The following DPP6 variants were observed in gnomAD, a reference collection of about 807,000 sequenced individuals.
DPP6 encodes dipeptidyl peptidase like 6, also known as A-type potassium channel modulatory protein DPP6.
Under a neutral mutation model 122.6 loss-of-function variants are expected in DPP6, and 69 were observed. The ratio of observed to expected loss-of-function variants is 0.56; its 90% CI spans 0.46 to 0.69. DPP6 has a LOEUF of 0.69. Among genes scored for constraint, DPP6 ranks in the 30% least tolerant of loss-of-function variants. The probability of loss-of-function intolerance (pLI) is 0.00; values close to 1 mark genes in which losing one functional copy is unlikely to be tolerated. For synonymous variants in DPP6, 418 were observed against 433.1 expected (o/e 0.97, Z 0.43); for missense variants, 928 against 1,116.9 (o/e 0.83, Z 2.41).
intron 7 of DPP6, among the ~76,000 whole-genome samples, chr7:154,681,763 C>T (rs1397825741): frequency 6.6e-6 from 1 of 152,224 alleles, no homozygotes; most frequent in Non-Finnish European, 1.5e-5. Context: ...GTTCCATCTC[C>T]TGGTCTTTGT....
chr7:154,844,427 A>T (rs1032674248), intron 16 of DPP6, among the ~76,000 whole-genome samples: 3 of 152,252 alleles, frequency 2.0e-5, no homozygotes, highest in Admixed American at 6.5e-5. Context: ...AAATGCTAAC[A>T]TGGGTCTAGT....
chr7:154,561,104 A>G (rs1250406420), intron 4 of DPP6, among the ~76,000 whole-genome samples: 9 of 152,236 alleles, frequency 5.9e-5, no homozygotes, highest in Non-Finnish European at 5.9e-5. Context: ...CAATATTTGA[A>G]GCAATAATTG....
intron 6 of DPP6, among the ~76,000 whole-genome samples, chr7:154,639,707 C>CG: frequency 6.6e-6 from 1 of 152,164 alleles, no homozygotes; most frequent in Non-Finnish European, 1.5e-5. Context: ...TACCTGGAGC[C>CG]TGGTGATGAT....
rs1040586780 is a variant in DPP6 at position 154,877,469 on chromosome 7, C to T, written c.2078+1369C>T. ...GGAACTATATTGGCTACAAAAGACA[C>T]AGGGATGTCAGGTCTCAAGGTTGAT... On this transcript the variant is annotated intron_variant, in intron 20 of 25. Coordinates refer to ENST00000377770, the MANE Select transcript of DPP6 (RefSeq NM_130797.4). The surrounding 1 kb of genome is among the most constrained non-coding windows in gnomAD (Gnocchi z 5.2). Among the ~76,000 whole-genome samples, 1 of 152,038 alleles carries T rather than the reference C, an allele frequency of 6.6e-6. No homozygotes were observed. Among genetic ancestry groups the T allele is most frequent in the African/African-American group, 2.4e-5 (1 of 41,378 alleles).
intron 1 of DPP6, among the ~76,000 whole-genome samples, chr7:154,073,878 C>T (rs180747158): frequency 6.0e-4 from 91 of 152,182 alleles, no homozygotes; most frequent in African/African-American, 2.0e-3. Flanking sequence ...CCCAGCTACT[C>T]GGGAGGCTGA....
In DPP6 at chr7:154,789,376, T is replaced by C. The variant is rs151008360; in HGVS notation, c.1137-4703T>C. Among the ~76,000 whole-genome samples, 28 of 152,346 alleles carry C rather than the reference T, an allele frequency of 1.8e-4. No homozygotes were observed. In the Middle Eastern group the frequency reaches 0.014, roughly 74 times the overall value. ...TCTGTGGCTGGTGTGAGCCCAGCAT[T>C]TCTGAGGGAAGAATAGTACAGTGGG... On this transcript the variant is annotated intron_variant, in intron 10 of 25. Transcript: ENST00000377770.
chr7:154,446,458 C>A, intron 2 of DPP6, 130 bp downstream of exon 2: 1 of 552,236 alleles, frequency 1.8e-6, no homozygotes, highest in Non-Finnish European at 3.1e-6. Context: ...CTCACTATGC[C>A]ATATGATATA....
chr7:154,450,826 T>C (rs1463393307), intron 2 of DPP6, among the ~76,000 whole-genome samples: 1 of 152,228 alleles, frequency 6.6e-6, no homozygotes, highest in African/African-American at 2.4e-5. Flanking sequence ...TTCTAACGAA[T>C]ATAGAGGAAG....
chr7:154,063,634 G>A (rs539126444), intron 1 of DPP6, among the ~76,000 whole-genome samples: 1 of 135,976 alleles, frequency 7.4e-6, no homozygotes, highest in Non-Finnish European at 1.6e-5. Flanking sequence ...CAGGGACTGA[G>A]AGCCACTCCC....
At chr7:153,913,137 C>T (rs889808653) in intron 1 of DPP6, among the ~76,000 whole-genome samples, 1 of 152,156 alleles carries the variant, frequency 6.6e-6, no homozygotes, top group Admixed American at 6.5e-5. Context: ...TGCGGTGGCA[C>T]GATCTCAACT....
chr7:154,395,871 T>G (rs1225169768), intron 1 of DPP6, among the ~76,000 whole-genome samples: 1 of 152,094 alleles, frequency 6.6e-6, no homozygotes, highest in Non-Finnish European at 1.5e-5. Context: ...TGTCATTGAG[T>G]ATGATGTTCA....
At chr7:153,773,264 CGTGTGT>C in the DPP6 span, among the ~76,000 whole-genome samples, 499 of 132,452 alleles carry the variant, frequency 3.8e-3, 5 homozygotes, top group Non-Finnish European at 3.6e-3. Context: ...TCTTTTCTTT[CGTGTGT>C]GTGTGTGTGT....
chr7:153,964,145 C>G (rs1204153994), intron 1 of DPP6, among the ~76,000 whole-genome samples: 1 of 152,028 alleles, frequency 6.6e-6, no homozygotes, highest in Admixed American at 6.6e-5. Context: ...GCAGACACCC[C>G]CCACCACGCC....
At chr7:154,385,441 T>C (rs1293255463) in intron 1 of DPP6, among the ~76,000 whole-genome samples, 2 of 152,174 alleles carry the variant, frequency 1.3e-5, no homozygotes, top group Admixed American at 1.3e-4. Context: ...TCCACAGTGC[T>C]GGGTGGTGGG....
intron 1 of DPP6, among the ~76,000 whole-genome samples, chr7:154,287,803 G>T (rs931612908): frequency 6.6e-6 from 1 of 152,288 alleles, no homozygotes; most frequent in Non-Finnish European, 1.5e-5. Context: ...GGGAGGAGAG[G>T]TGAGGCCTGC....
At chr7:154,429,717 CAAGGCTAA>C (rs1406592962) in intron 1 of DPP6, among the ~76,000 whole-genome samples, 1 of 152,126 alleles carries the variant, frequency 6.6e-6, no homozygotes, top group Non-Finnish European at 1.5e-5. Flanking sequence ...AAGGAGGACC[CAAGGCTAA>C]TGTGGAGACC....
At position 154,647,303 on chromosome 7, in the gene DPP6, C is replaced by G. The variant is rs1164006634; in HGVS notation, c.680+9430C>G. Among the ~76,000 whole-genome samples, 3 of 152,182 alleles carry G rather than the reference C, an allele frequency of 2.0e-5. No homozygotes were observed. The East Asian group carries it at 5.8e-4, about 29-fold the overall frequency. On this transcript the variant is annotated intron_variant, in intron 6 of 25. Coordinates refer to ENST00000377770, the MANE Select transcript of DPP6 (RefSeq NM_130797.4). ...TCGCCCCTTTACTTGCTGCCCTTGA[C>G]AAGTGACACCCAGGATTGCCGTGGA... is the stretch of plus-strand genomic sequence containing the variant.
chr7:154,733,654 G>A (rs1424907845), intron 8 of DPP6, among the ~76,000 whole-genome samples: 5 of 152,126 alleles, frequency 3.3e-5, no homozygotes, highest in African/African-American at 4.8e-5. Flanking sequence ...GAGTGTGTAG[G>A]AGTAGTAGTG....
At chr7:154,848,393 G>C (rs1802114918) in intron 16 of DPP6, among the ~76,000 whole-genome samples, 1 of 151,846 alleles carries the variant, frequency 6.6e-6, no homozygotes, top group Non-Finnish European at 1.5e-5. Context: ...ATCTTATTGT[G>C]CTTTTAATTT....
Sources: gnomAD v4.1 joint callset for allele counts (sites outside exome capture counted in the v4.1 genomes callset) on GRCh38, gnomAD v4.1.1 for gene constraint, Gnocchi (gnomAD v3.1) non-coding constraint, MANE v1.5 for transcripts, NCBI Gene and HGNC (gene_info 2026-07-23, HGNC 2026-07-21) for gene names.